RALYL: variants seen among roughly 807,000 people sequenced by gnomAD.
RALYL encodes the protein RNA-binding Raly-like protein.
In RALYL, 29 loss-of-function variants were observed where a neutral mutation model predicts 35.1. That is an observed-to-expected ratio of 0.83 (90% CI 0.61 to 1.13). RALYL has a LOEUF of 1.13. Ranked by LOEUF, RALYL falls within the 50% of genes most tolerant of loss-of-function variation. The pLI is 0.00. For synonymous variants in RALYL, 120 were observed against 127.6 expected, an observed-to-expected ratio of 0.94 and a Z score of 0.40; for missense variants, 359 against 360.4, an observed-to-expected ratio of 1.00 and a Z score of 0.03.
chr8:84,630,159 C>T (rs561744822), intron 2 of RALYL, among the ~76,000 whole-genome samples: 1 of 152,088 alleles, frequency 6.6e-6, no homozygotes, highest in Admixed American at 6.6e-5. Context: ...CAAAGATAGA[C>T]TCTTAATTGG....
At chr8:84,605,249 G>T (rs529874377) in intron 2 of RALYL, among the ~76,000 whole-genome samples, 6 of 152,086 alleles carry the variant, frequency 3.9e-5, no homozygotes, top group African/African-American at 1.4e-4. Context: ...TTTTACTTGG[G>T]TTTTCATCCT....
intron 4 of RALYL, among the ~76,000 whole-genome samples, chr8:84,825,530 A>G (rs529621607): frequency 6.6e-6 from 1 of 152,274 alleles, no homozygotes; most frequent in Admixed American, 6.5e-5. Context: ...TGTTCTACCA[A>G]AAAGACACAT....
intron 2 of RALYL, among the ~76,000 whole-genome samples, chr8:84,686,200 C>T (rs1316850081): frequency 6.6e-6 from 1 of 151,990 alleles, no homozygotes; most frequent in Admixed American, 6.6e-5. Context: ...ATAATTGTGC[C>T]ATGAACAGTT....
intron 3 of RALYL, among the ~76,000 whole-genome samples, chr8:84,798,316 A>G (rs1245346374): frequency 8.8e-6 from 1 of 113,498 alleles, no homozygotes; most frequent in Admixed American, 1.1e-4. Context: ...CAAGGATTCG[A>G]GGACTCAGAG....
chr8:84,507,226 G>A (rs890239330), intron 1 of RALYL, among the ~76,000 whole-genome samples: 1 of 152,000 alleles, frequency 6.6e-6, no homozygotes, highest in Admixed American at 6.6e-5. Context: ...ACAATTATTT[G>A]TGCATAAGTT....
At chr8:84,703,709 A>T (rs1008470142) in intron 2 of RALYL, among the ~76,000 whole-genome samples, 6 of 152,210 alleles carry the variant, frequency 3.9e-5, no homozygotes, top group Non-Finnish European at 8.8e-5. Context: ...ACGTTTATTC[A>T]TATCATAAAT....
Position 84,728,956 on chromosome 8 carries a change from G to A in RALYL, c.257-45623G>A, listed in dbSNP as rs566195567. Among the ~76,000 whole-genome samples the A allele has an allele frequency of 2.6e-5, 4 of 152,224 alleles. No homozygotes were observed. The South Asian group carries it at 8.3e-4, about 32-fold the overall frequency. On this transcript the variant is annotated intron_variant, in intron 2 of 8. Coordinates refer to ENST00000521268, the MANE Select transcript of RALYL (RefSeq NM_173848.7). ...TGGCTTAGGATTGACTTAGCAATGT[G>A]GGCTCTTTTTTGGTTGCATATGAAC...
chr8:84,529,889 T>C (rs2059162086), intron 2 of RALYL, among the ~76,000 whole-genome samples: 1 of 152,278 alleles, frequency 6.6e-6, no homozygotes, highest in East Asian at 1.9e-4. Context: ...GCATCTGTCT[T>C]CCAGGAAACA....
chr8:84,524,643 G>A (rs2058734135), intron 1 of RALYL, among the ~76,000 whole-genome samples: 1 of 152,018 alleles, frequency 6.6e-6, no homozygotes, highest in African/African-American at 2.4e-5. Flanking sequence ...GCACATTTTT[G>A]AGCTGCCTTT....
intron 5 of RALYL, among the ~76,000 whole-genome samples, chr8:84,854,256 G>T (rs891290884): frequency 6.6e-6 from 1 of 152,006 alleles, no homozygotes; most frequent in Non-Finnish European, 1.5e-5. Context: ...TGAGGCAGGA[G>T]AATTGCTTGA....
At chr8:84,920,662 A>C (rs897115154) in intron 8 of RALYL, among the ~76,000 whole-genome samples, 2 of 151,410 alleles carry the variant, frequency 1.3e-5, no homozygotes, top group East Asian at 3.9e-4. Flanking sequence ...CAGGCAATAA[A>C]TTAGCTGGAT....
intron 2 of RALYL, chr8:84,679,566 T>A (rs1289931001): frequency 7.1e-6 from 3 of 421,670 alleles, no homozygotes; most frequent in Non-Finnish European, 4.7e-6. Context: ...CTCTTCCCAA[T>A]GGCCAGAACA....
Position 84,529,441 on chromosome 8 carries a change from CATTTT to C in RALYL, c.121_125del (p.Ile41PhefsTer23). On this transcript the variant is annotated frameshift_variant, in exon 2 of 9. Coordinates refer to ENST00000521268, the MANE Select transcript of RALYL (RefSeq NM_173848.7). LOFTEE classifies it high-confidence loss of function. ...TTGTCAAGAAAGTTGACATTGAAGCCATTTTTTCAAAGTATGGAAAAATAGTTGGA... is the reference window on the plus strand; with the variant it reads ...TTGTCAAGAAAGTTGACATTGAAGCCTTCAAAGTATGGAAAAATAGTTGGA... 1.2e-6 allele frequency: 2 copies of C among 1,613,532 alleles called. No individual in the cohort carries two copies. The highest frequency in any genetic ancestry group is 1.7e-6 in the Non-Finnish European group (2 of 1,179,740).
At chr8:84,423,909 C>T (rs1479196954) in intron 1 of RALYL, among the ~76,000 whole-genome samples, 6 of 151,394 alleles carry the variant, frequency 4.0e-5, no homozygotes, top group African/African-American at 9.7e-5. Flanking sequence ...GGGTTTCTGC[C>T]GAGAGATCTG....
chr8:84,690,714 A>G (rs906755947), intron 2 of RALYL, among the ~76,000 whole-genome samples: 10 of 152,234 alleles, frequency 6.6e-5, no homozygotes, highest in African/African-American at 2.2e-4. Context: ...ATTGTTTTTA[A>G]TAAAATTAAC....
intron 1 of RALYL, among the ~76,000 whole-genome samples, chr8:84,395,903 G>A (rs185200194): frequency 5.3e-5 from 8 of 151,950 alleles, no homozygotes; most frequent in Non-Finnish European, 7.4e-5. Flanking sequence ...TAAGTCACTC[G>A]TTAAAATGGT....
Position 84,711,588 on chromosome 8 carries a change from C to T in RALYL, c.257-62991C>T, listed in dbSNP as rs140769523. On this transcript the variant is annotated intron_variant, in intron 2 of 8. Coordinates refer to ENST00000521268, the MANE Select transcript of RALYL (RefSeq NM_173848.7). Reference sequence around the variant, plus strand: ...CTTCCTATGAGAAAAAGTAAATTTACATTTTGATAGAATTGTTCTAAGGCT... The same window carrying T: ...CTTCCTATGAGAAAAAGTAAATTTATATTTTGATAGAATTGTTCTAAGGCT... Among the ~76,000 whole-genome samples, 604 of 152,180 alleles carry T rather than the reference C, an allele frequency of 4.0e-3. 6 individuals carry two copies. Among genetic ancestry groups the T allele is most frequent in the African/African-American group, 0.013 (554 of 41,554 alleles).
intron 2 of RALYL, among the ~76,000 whole-genome samples, chr8:84,750,352 A>T (rs970098892): frequency 1.3e-5 from 2 of 152,268 alleles, no homozygotes; most frequent in African/African-American, 4.8e-5. Context: ...TCTGAACGCA[A>T]CCTATCTAAG....
chr8:84,716,859 G>T (rs925302711), intron 2 of RALYL, among the ~76,000 whole-genome samples: 1 of 152,044 alleles, frequency 6.6e-6, no homozygotes, highest in South Asian at 2.1e-4. Flanking sequence ...AATATGCTTT[G>T]AAACTTGAGT....
Sources: allele counts gnomAD v4.1 joint callset (sites outside exome capture counted in the v4.1 genomes callset), GRCh38; gene constraint gnomAD v4.1.1; transcripts MANE v1.5; gene names NCBI Gene and HGNC (gene_info 2026-07-23, HGNC 2026-07-21).